TANC1: variants seen among roughly 807,000 people sequenced by gnomAD.
The protein encoded by TANC1 is protein TANC1.
TANC1 carries 77 observed loss-of-function variants against 149.7 expected under a neutral mutation model. The ratio of observed to expected loss-of-function variants is 0.51; its 90% CI spans 0.43 to 0.62. The LOEUF (loss-of-function observed/expected upper bound fraction) is 0.62, where lower values mean the gene tolerates loss of function less well. Ranked by LOEUF, TANC1 falls within the 20% of genes least tolerant of loss-of-function variation. The pLI is 0.00. For missense variants in TANC1, 1,985 were observed against 2,321.8 expected (o/e 0.85, Z 2.98); for synonymous variants, 854 against 925.0 (o/e 0.92, Z 1.39).
intron 3 of TANC1, among the ~76,000 whole-genome samples, chr2:159,081,201 T>C (rs1179902624): frequency 6.6e-6 from 1 of 152,126 alleles, no homozygotes; most frequent in Non-Finnish European, 1.5e-5. Context: ...AGGAAGAAAA[T>C]TGGCTATCTT....
chr2:159,214,722 G>T (rs1034902573), intron 19 of TANC1, among the ~76,000 whole-genome samples: 1 of 152,214 alleles, frequency 6.6e-6, no homozygotes, highest in Admixed American at 6.5e-5. Context: ...CTGGTGCTCA[G>T]ATAAGGCCTG....
rs1193899538 is a variant in TANC1 at position 159,178,624 on chromosome 2, C to T, written c.1971C>T (p.His657=). 3 of 1,613,564 alleles carry T rather than the reference C, an allele frequency of 1.9e-6. No individual in the cohort carries two copies. Among genetic ancestry groups the T allele is most frequent in the South Asian group, 1.1e-5 (1 of 90,942 alleles). The change falls in exon 14 of 27, where the codon CAC becomes CAT. Residue 657 remains histidine, a synonymous_variant. Transcript: ENST00000263635. ...ACTTCCCAGACAACAAAGACATCCA[C>T]AGTGACCTGCACGCCTACGTCCAGC... ...LDDFPDNKDI[H]SDLHAYVQHR... is the part of the protein sequence containing the mutation.
At position 159,097,739 on chromosome 2, in the gene TANC1, G is replaced by A; in HGVS notation, c.164G>A (p.Ser55Asn). The A allele has an allele frequency of 6.2e-7, 1 of 1,614,106 alleles. No individual in the cohort carries two copies. Among genetic ancestry groups the A allele is most frequent in the Non-Finnish European group, 8.5e-7 (1 of 1,180,024 alleles). The change falls in exon 4 of 27, where the codon AGC (serine) becomes AAC (asparagine). Residue 55 changes from serine (S) to asparagine (N), a missense_variant. This residue lies in a region of TANC1 where 557 missense variants were observed against 612.9 expected (regional missense o/e 0.91). Transcript: ENST00000263635. Reference sequence around the variant, plus strand: ...ACAGCAGAGGACACCTATAGGGTGAGCTTGGCCAAAGGTGTCTCGATGTCT... The same window carrying A: ...ACAGCAGAGGACACCTATAGGGTGAACTTGGCCAAAGGTGTCTCGATGTCT... ...LPTAEDTYRV[S>N]LAKGVSMSLP... is the part of the protein sequence containing the mutation.
chr2:159,210,807 C>T (rs1257623598), intron 19 of TANC1, among the ~76,000 whole-genome samples: 1 of 151,802 alleles, frequency 6.6e-6, no homozygotes. Flanking sequence ...ACCTCGTGAT[C>T]TGATCTGCAC....
Position 159,230,682 on chromosome 2 carries a change from G to A in TANC1, c.5256G>A (p.Leu1752=), listed in dbSNP as rs920951942. 3.1e-6 allele frequency: 5 copies of A among 1,614,222 alleles called. No individual in the cohort carries two copies. Among genetic ancestry groups the A allele is most frequent in the Non-Finnish European group, 4.2e-6 (5 of 1,180,050 alleles). The change falls in exon 27 of 27, where the codon CTG becomes CTA. Residue 1752 remains leucine (L), a synonymous_variant. Coordinates refer to ENST00000263635, the MANE Select transcript of TANC1 (RefSeq NM_033394.3). The surrounding 1 kb of genome is among the most constrained non-coding windows in gnomAD (Gnocchi z 4.4). ...GGCACTGTCCGGCACCAGAGGGGCT[G>A]CTGACAAACACGTCTTCTGCAGCTG... ...RSWHCPAPEG[L]LTNTSSAAGL...
intron 2 of TANC1, among the ~76,000 whole-genome samples, chr2:159,008,559 G>A (rs538676723): frequency 4.6e-5 from 7 of 152,256 alleles, no homozygotes; most frequent in African/African-American, 1.2e-4. Flanking sequence ...CCAAAACGTC[G>A]AATCTTACTG....
chr2:159,076,506 A>G (rs931472552), intron 3 of TANC1, among the ~76,000 whole-genome samples: 6 of 152,200 alleles, frequency 3.9e-5, no homozygotes, highest in Admixed American at 3.3e-4. Flanking sequence ...CTCTACCCAG[A>G]TGTGCTGGAA....
At chr2:159,218,641 G>C (rs2059496482) in intron 20 of TANC1, among the ~76,000 whole-genome samples, 1 of 152,158 alleles carries the variant, frequency 6.6e-6, no homozygotes, top group South Asian at 2.1e-4. Context: ...TGGTTTTCTA[G>C]GGTTTTTTCT....
intron 23 of TANC1, 67 bp from the exon 24 acceptor site, chr2:159,225,621 C>T: frequency 7.7e-7 from 1 of 1,293,554 alleles, no homozygotes; most frequent in Non-Finnish European, 1.1e-6. Context: ...GCCGTGGGGC[C>T]ACGGAGGAAT....
At chr2:159,085,953 C>T (rs559747156) in intron 3 of TANC1, among the ~76,000 whole-genome samples, 46 of 152,238 alleles carry the variant, frequency 3.0e-4, no homozygotes, top group African/African-American at 1.1e-3. Context: ...ATGTGAAGTT[C>T]GAGGATAAGT....
intron 14 of TANC1, among the ~76,000 whole-genome samples, chr2:159,183,583 C>A (rs6753304): frequency 1.3e-5 from 2 of 151,736 alleles, no homozygotes; most frequent in African/African-American, 2.4e-5. Context: ...GGAGGAGGGT[C>A]CTGGATCCTT....
intron 2 of TANC1, among the ~76,000 whole-genome samples, chr2:159,046,227 T>C (rs2041025533): frequency 6.6e-6 from 1 of 152,214 alleles, no homozygotes; most frequent in East Asian, 1.9e-4. Context: ...AATGGTTTTG[T>C]GGTTTTAGAC....
At chr2:159,110,898 C>T (rs1312334084) in intron 4 of TANC1, among the ~76,000 whole-genome samples, 1 of 152,314 alleles carries the variant, frequency 6.6e-6, no homozygotes, top group East Asian at 1.9e-4. Flanking sequence ...ACATGCAGCA[C>T]AGCCCTCCTT....
chr2:159,065,979 T>C lies in TANC1; in HGVS notation c.61+8T>C, dbSNP rs1001132565. On this transcript the variant is annotated splice_region_variant and intron_variant, in intron 3 of 26. Coordinates refer to ENST00000263635, the MANE Select transcript of TANC1 (RefSeq NM_033394.3). ...GAGGCAAGAAGGAAGCAGGTATGTG[T>C]GCAAGAATGAGAAGCTCAGCCATGG... The C allele has an allele frequency of 4.9e-5, 79 of 1,609,840 alleles. No individual in the cohort carries two copies. The Admixed American group carries it at 1.1e-3, about 22-fold the overall frequency.
chr2:158,985,152 A>AAG (rs2034854322), intron 1 of TANC1, among the ~76,000 whole-genome samples: 1 of 152,148 alleles, frequency 6.6e-6, no homozygotes, highest in Non-Finnish European at 1.5e-5. Flanking sequence ...TAGTGGGAGG[A>AAG]AGAGAACTAA....
At chr2:159,172,331 T>G in intron 11 of TANC1, 59 bp downstream of exon 11, 21 of 1,550,412 alleles carry the variant, frequency 1.4e-5, no homozygotes, top group Non-Finnish European at 1.8e-5. Flanking sequence ...GTTTGGTTTC[T>G]GAGAAGTAGA....
chr2:159,080,261 A>G (rs1355927189), intron 3 of TANC1, among the ~76,000 whole-genome samples: 2 of 152,206 alleles, frequency 1.3e-5, no homozygotes, highest in Admixed American at 6.5e-5. Context: ...TCCCCTTCCC[A>G]TACCCCTCAG....
intron 2 of TANC1, among the ~76,000 whole-genome samples, chr2:159,043,111 A>G (rs769382196): frequency 2.0e-5 from 3 of 152,106 alleles, no homozygotes; most frequent in Admixed American, 6.5e-5. Flanking sequence ...GGTTTTGCCA[A>G]TCCCCGGTCA....
At chr2:159,151,977 A>T (rs2052862088) in intron 7 of TANC1, among the ~76,000 whole-genome samples, 1 of 152,236 alleles carries the variant, frequency 6.6e-6, no homozygotes, top group Non-Finnish European at 1.5e-5. Context: ...CCTTGTGACC[A>T]TTAGAAGGCA....
Sources: allele counts gnomAD v4.1 joint callset (sites outside exome capture counted in the v4.1 genomes callset), GRCh38; gene constraint gnomAD v4.1.1; regional missense constraint gnomAD v4.1.1; non-coding constraint Gnocchi (gnomAD v3.1); transcripts MANE v1.5; gene names NCBI Gene and HGNC (gene_info 2026-07-23, HGNC 2026-07-21).